PTPRR: variants seen among roughly 807,000 people sequenced by gnomAD.
PTPRR encodes the protein receptor-type tyrosine-protein phosphatase R.
PTPRR carries 38 observed loss-of-function variants against 77.2 expected under a neutral mutation model. The ratio of observed to expected loss-of-function variants is 0.49; its 90% CI spans 0.38 to 0.65. PTPRR has a LOEUF of 0.65. Ranked by LOEUF, PTPRR falls within the 30% of genes least tolerant of loss-of-function variation. The pLI, the probability that PTPRR is intolerant of heterozygous loss-of-function variation, is 0.00. For synonymous variants in PTPRR, 299 were observed against 283.1 expected, an observed-to-expected ratio of 1.06 and a Z score of -0.57; for missense variants, 744 against 799.2, an observed-to-expected ratio of 0.93 and a Z score of 0.83.
At chr12:70,726,491 T>C (rs1274520150) in intron 6 of PTPRR, among the ~76,000 whole-genome samples, 1 of 152,162 alleles carries the variant, frequency 6.6e-6, no homozygotes, top group Non-Finnish European at 1.5e-5. Flanking sequence ...GAGTTATACA[T>C]GTAAAGTATT....
At chr12:70,714,030 T>C (rs1888929201) in intron 6 of PTPRR, among the ~76,000 whole-genome samples, 1 of 152,214 alleles carries the variant, frequency 6.6e-6, no homozygotes, top group East Asian at 1.9e-4. Context: ...CCATCAGTTA[T>C]GGAGACACAG....
At chr12:70,907,973 A>G (rs189672267) in intron 1 of PTPRR, among the ~76,000 whole-genome samples, 3 of 152,226 alleles carry the variant, frequency 2.0e-5, no homozygotes, top group Non-Finnish European at 1.5e-5. Context: ...CACTCACTGA[A>G]TAATGAAGTA....
chr12:70,888,127 A>G (rs1327232133), intron 2 of PTPRR, among the ~76,000 whole-genome samples: 3 of 151,906 alleles, frequency 2.0e-5, no homozygotes. Context: ...AGTTAGCAGC[A>G]TGTTCCAATA....
chr12:70,677,776 TG>T (rs747944908), intron 10 of PTPRR, among the ~76,000 whole-genome samples: 7 of 152,246 alleles, frequency 4.6e-5, no homozygotes, highest in African/African-American at 1.4e-4. Context: ...TAGCGGATGA[TG>T]TTTTTAATGT....
intron 8 of PTPRR, among the ~76,000 whole-genome samples, chr12:70,687,510 A>G (rs897684105): frequency 1.3e-5 from 2 of 152,052 alleles, no homozygotes; most frequent in Non-Finnish European, 2.9e-5. Context: ...GCTCCTGATC[A>G]TGCCATATGG....
chr12:70,680,966 G>A (rs542292032), intron 10 of PTPRR, among the ~76,000 whole-genome samples: 1 of 152,174 alleles, frequency 6.6e-6, no homozygotes, highest in Non-Finnish European at 1.5e-5. Flanking sequence ...GGCCAGTTTG[G>A]ACTTGGTTTC....
chr12:70,802,382 G>A lies in PTPRR; in HGVS notation c.358-37604C>T, dbSNP rs367957745. ...AAATTATATTGAGAAGACTTATGTA[G>A]GAGAAGTCATATTTTGTCAGATTTT... On this transcript the variant is annotated intron_variant, in intron 2 of 13. Coordinates refer to ENST00000283228, the MANE Select transcript of PTPRR (RefSeq NM_002849.4). 5.5e-4 allele frequency among the ~76,000 whole-genome samples: 84 copies of A among 152,190 alleles called. 1 individual carries two copies. The highest frequency in any genetic ancestry group is 2.0e-3 in the African/African-American group (82 of 41,526).
chr12:70,751,406 AAC>A (rs1164013701), intron 5 of PTPRR, among the ~76,000 whole-genome samples: 2 of 151,972 alleles, frequency 1.3e-5, no homozygotes, highest in African/African-American at 4.8e-5. Context: ...CTCCTTCCAC[AAC>A]TCTCCCCATC....
At chr12:70,643,587 C>T (rs867559067) in intron 13 of PTPRR, among the ~76,000 whole-genome samples, 7 of 152,074 alleles carry the variant, frequency 4.6e-5, no homozygotes, top group African/African-American at 1.7e-4. Flanking sequence ...GCTTGGTTAA[C>T]TATGGAACTC....
At position 70,829,752 on chromosome 12, in the gene PTPRR, G is replaced by A. The variant is rs184641793; in HGVS notation, c.357+62927C>T. Among the ~76,000 whole-genome samples, 7 of 152,198 alleles carry A rather than the reference G, an allele frequency of 4.6e-5. No individual in the cohort carries two copies. The East Asian group carries it at 1.4e-3, about 29-fold the overall frequency. On this transcript the variant is annotated intron_variant, in intron 2 of 13. Transcript: ENST00000283228. ...TCTAAGGAGGTTGGTCTTGCCTTTTGCAGTCATGTCTGTCAGTCAATCAAT... is the reference window on the plus strand; with the variant it reads ...TCTAAGGAGGTTGGTCTTGCCTTTTACAGTCATGTCTGTCAGTCAATCAAT...
At chr12:70,700,710 T>C (rs1888389973) in intron 7 of PTPRR, among the ~76,000 whole-genome samples, 1 of 152,188 alleles carries the variant, frequency 6.6e-6, no homozygotes, top group African/African-American at 2.4e-5. Context: ...GAATGATCTA[T>C]CCAAAACATA....
At chr12:70,738,155 A>G (rs1227499162) in intron 6 of PTPRR, among the ~76,000 whole-genome samples, 1 of 152,174 alleles carries the variant, frequency 6.6e-6, no homozygotes. Context: ...GTTCTGATAA[A>G]AATCTCCCAA....
At chr12:70,847,024 A>G (rs1292247804) in intron 2 of PTPRR, among the ~76,000 whole-genome samples, 1 of 152,080 alleles carries the variant, frequency 6.6e-6, no homozygotes, top group Non-Finnish European at 1.5e-5. Flanking sequence ...CAGGCACTGT[A>G]CATCCTAGTG....
intron 2 of PTPRR, among the ~76,000 whole-genome samples, chr12:70,868,089 C>A (rs576776836): frequency 7.9e-5 from 12 of 152,032 alleles, no homozygotes; most frequent in East Asian, 1.9e-4. Context: ...AAACCCTAGA[C>A]GAAAACCTAG....
chr12:70,774,271 T>C (rs1264753742), intron 2 of PTPRR, among the ~76,000 whole-genome samples: 2 of 152,142 alleles, frequency 1.3e-5, no homozygotes, highest in African/African-American at 2.4e-5. Context: ...TTGGAGCCAA[T>C]TGTCTATGCT....
chr12:70,721,702 C>G (rs912524483), intron 6 of PTPRR, among the ~76,000 whole-genome samples: 1 of 152,076 alleles, frequency 6.6e-6, no homozygotes, highest in South Asian at 2.1e-4. Flanking sequence ...TTCATAACAC[C>G]GCAAACTTTT....
chr12:70,835,312 T>C (rs1269295624), intron 2 of PTPRR, among the ~76,000 whole-genome samples: 1 of 152,104 alleles, frequency 6.6e-6, no homozygotes. Flanking sequence ...TAATTTGTAA[T>C]TAGTGCTAAG....
intron 2 of PTPRR, among the ~76,000 whole-genome samples, chr12:70,813,143 T>G (rs2137032566): frequency 6.6e-6 from 1 of 152,364 alleles, no homozygotes; most frequent in South Asian, 2.1e-4. Flanking sequence ...ACTAAGCTTT[T>G]CATCTTTTTG....
chr12:70,901,300 A>T (rs1374866765), intron 1 of PTPRR, among the ~76,000 whole-genome samples: 1 of 151,484 alleles, frequency 6.6e-6, no homozygotes, highest in Admixed American at 6.6e-5. Context: ...AGATGCCTGC[A>T]CTCCTACGTT....
Sources: allele counts gnomAD v4.1 joint callset (sites outside exome capture counted in the v4.1 genomes callset), GRCh38; gene constraint gnomAD v4.1.1; transcripts MANE v1.5; gene names NCBI Gene and HGNC (gene_info 2026-07-23, HGNC 2026-07-21).